Variants in RYR1 observed in about 807,000 individuals in gnomAD.
RYR1 encodes ryanodine receptor 1.
A neutral mutation model predicts 583.5 loss-of-function variants in RYR1; 342 were observed. That is an observed-to-expected ratio of 0.59 (90% CI 0.54 to 0.64). The LOEUF (loss-of-function observed/expected upper bound fraction) is 0.64, where lower values mean the gene tolerates loss of function less well. RYR1 is among the 30% of genes least tolerant of loss of function. The probability of loss-of-function intolerance (pLI) is 0.00; values close to 1 mark genes in which losing one functional copy is unlikely to be tolerated. For missense variants in RYR1, 6,032 were observed against 6,917.2 expected, an observed-to-expected ratio of 0.87 and a Z score of 4.54; for synonymous variants, 2,791 against 2,822.5, an observed-to-expected ratio of 0.99 and a Z score of 0.35.
At chr19:38,486,430 GCC>G (rs1969302094) in intron 34 of RYR1, among the ~76,000 whole-genome samples, 1 of 151,944 alleles carries the variant, frequency 6.6e-6, no homozygotes, top group Non-Finnish European at 1.5e-5. Context: ...TGCAACCTCC[GCC>G]TCCCAGGTTC....
At chr19:38,523,191 G>A in intron 68 of RYR1, 26 bp from the exon 69 acceptor site, 1 of 1,614,206 alleles carries the variant, frequency 6.2e-7, no homozygotes, top group Non-Finnish European at 8.5e-7. Context: ...CACCTGTCCG[G>A]TCTGCAACAC....
chr19:38,464,003 A>ACGGT (rs1479207834), intron 22 of RYR1, among the ~76,000 whole-genome samples, 153 bp downstream of exon 22: 2 of 151,888 alleles, frequency 1.3e-5, no homozygotes, highest in African/African-American at 4.8e-5. Flanking sequence ...GTGGCCGGGC[A>ACGGT]CGGTGGCTCA....
intron 42 of RYR1, among the ~76,000 whole-genome samples, chr19:38,497,284 C>T (rs1194698585): frequency 6.6e-6 from 1 of 152,270 alleles, no homozygotes; most frequent in South Asian, 2.1e-4. Flanking sequence ...GGGGCGGATC[C>T]GCACGCTACG....
chr19:38,516,870 T>C (rs2915944), intron 65 of RYR1, among the ~76,000 whole-genome samples: 4,536 of 152,138 alleles, frequency 0.03, 231 homozygotes, highest in African/African-American at 0.1. Context: ...GGGGGAAATA[T>C]ACGCTCCAAG....
Position 38,504,747 on chromosome 19 carries a change from G to C in RYR1, c.8068-1G>C, listed in dbSNP as rs748346413. On this transcript the variant is annotated splice_acceptor_variant, in intron 50 of 105. Transcript: ENST00000359596. LOFTEE classifies it high-confidence loss of function. The stretch of plus-strand genomic sequence containing the variant: ...ACCCCTGCTTCACCCGGTTTTCCCA[G>C]AAATACGACCCGGAGCTGTACCGCA... 6.2e-7 allele frequency: 1 copy of C among 1,614,056 alleles called. No individual in the cohort carries two copies. The highest frequency in any genetic ancestry group is 8.5e-7 in the Non-Finnish European group (1 of 1,180,010).
At chr19:38,583,477 CAAA>C (rs11325385) in intron 101 of RYR1, among the ~76,000 whole-genome samples, 4 of 135,272 alleles carry the variant, frequency 3.0e-5, no homozygotes, top group Admixed American at 1.5e-4. Flanking sequence ...GACTCTGTCT[CAAA>C]AAAAAAAAAA....
At chr19:38,550,048 G>A (rs73550971) in intron 89 of RYR1, among the ~76,000 whole-genome samples, 6,051 of 151,808 alleles carry the variant, frequency 0.04, 402 homozygotes, top group African/African-American at 0.14. Context: ...GAACCACCTC[G>A]CCTAGCCAAT....
At position 38,535,984 on chromosome 19, in the gene RYR1, T is replaced by C; in HGVS notation, c.11517-13T>C. 1.2e-6 allele frequency: 2 copies of C among 1,612,820 alleles called. No homozygotes were observed. The highest frequency in any genetic ancestry group is 1.7e-6 in the Non-Finnish European group (2 of 1,179,582). ...TCATCACATACCCCCTATCTTTCCT[T>C]TCTTTTCCTCAGCGTCCTGGATCTC... On this transcript the variant is annotated splice_polypyrimidine_tract_variant and intron_variant, in intron 81 of 105. Coordinates refer to ENST00000359596, the MANE Select transcript of RYR1 (RefSeq NM_000540.3).
intron 16 of RYR1, 150 bp downstream of exon 16, chr19:38,455,901 G>C (rs1398112029): frequency 1.4e-6 from 1 of 695,178 alleles, no homozygotes; most frequent in Non-Finnish European, 2.6e-6. Flanking sequence ...CTCCACACAG[G>C]GGTCTCAAAC....
Position 38,516,129 on chromosome 19 carries a change from A to T in RYR1, c.9597A>T (p.Ala3199=). The T allele has an allele frequency of 6.4e-7, 1 of 1,550,818 alleles. No individual in the cohort carries two copies. Among genetic ancestry groups the T allele is most frequent in the Non-Finnish European group, 8.7e-7 (1 of 1,147,368 alleles). Residue 3199 remains alanine, a synonymous_variant, in exon 65 of 106, where the codon GCA becomes GCT. Coordinates refer to ENST00000359596, the MANE Select transcript of RYR1 (RefSeq NM_000540.3). ...GGGAGTGCCTGGCCCGTCTGGCAGC[A>T]GCCATGCCGGTGGCGTTCCTGGAGC... ...ALGECLARLA[A]AMPVAFLEPQ...
At chr19:38,511,288 C>T (rs962668883) in intron 60 of RYR1, among the ~76,000 whole-genome samples, 1 of 151,918 alleles carries the variant, frequency 6.6e-6, no homozygotes, top group Non-Finnish European at 1.5e-5. Context: ...AGAGCAAGAC[C>T]CTGTCTAAAA....
Position 38,512,185 on chromosome 19 carries a change from A to G in RYR1, c.9233+53A>G. On this transcript the variant is annotated intron_variant, in intron 62 of 105. Transcript: ENST00000359596. The surrounding 1 kb of genome is among the most constrained non-coding windows in gnomAD (Gnocchi z 5.1). Reference sequence around the variant, plus strand: ...CCCACCATCATCGGGCCCCCACCCCAACCCCTGGTCTCCTAGACTCTCCGA... The same window carrying G: ...CCCACCATCATCGGGCCCCCACCCCGACCCCTGGTCTCCTAGACTCTCCGA... The G allele has an allele frequency of 6.2e-7, 1 of 1,613,900 alleles. No individual in the cohort carries two copies. The highest frequency in any genetic ancestry group is 2.2e-5 in the East Asian group (1 of 44,884).
intron 94 of RYR1, 120 bp downstream of exon 94, chr19:38,570,813 T>C (rs1447602761): frequency 1.1e-6 from 1 of 884,070 alleles, no homozygotes; most frequent in Non-Finnish European, 1.9e-6. Flanking sequence ...GGGCTTTGGG[T>C]CGTTAGGAGG....
At position 38,565,936 on chromosome 19, in the gene RYR1, G is replaced by T. The variant is rs1973400674; in HGVS notation, c.13437+165G>T. Reference sequence around the variant, plus strand: ...ATGGAGGACGCACACGGGGACAGCGGGCGCCGGGCAAGAGAGACGCTCAGA... The same window carrying T: ...ATGGAGGACGCACACGGGGACAGCGTGCGCCGGGCAAGAGAGACGCTCAGA... On this transcript the variant is annotated intron_variant, in intron 91 of 105. Coordinates refer to ENST00000359596, the MANE Select transcript of RYR1 (RefSeq NM_000540.3). The surrounding 1 kb of genome is among the most constrained non-coding windows in gnomAD (Gnocchi z 4.7). Among the ~76,000 whole-genome samples, 1 of 152,042 alleles carries T rather than the reference G, an allele frequency of 6.6e-6. No individual in the cohort carries two copies. The highest frequency in any genetic ancestry group is 6.6e-5 in the Admixed American group (1 of 15,256).
At position 38,529,165 on chromosome 19, in the gene RYR1, C is replaced by G. The variant is rs1486716364; in HGVS notation, c.11141+108C>G. ...AGAGGCCCTCCAGGTCCTGGGGGAG[C>G]CCAAGACAGACGGATCTTTAAATAT... is the stretch of plus-strand genomic sequence containing the variant. On this transcript the variant is annotated intron_variant, in intron 76 of 105. Coordinates refer to ENST00000359596, the MANE Select transcript of RYR1 (RefSeq NM_000540.3). The G allele has an allele frequency of 3.7e-6, 4 of 1,082,532 alleles. No homozygotes were observed. The African/African-American group carries it at 6.2e-5, about 17-fold the overall frequency. 67.1% of individuals were successfully genotyped at this position (1,082,532 alleles called of 1,614,324 possible). A position where few individuals can be genotyped will look rare whatever the true frequency, so the allele number is the denominator to read the frequency against.
At chr19:38,495,332 C>G (rs989848757) in intron 39 of RYR1, among the ~76,000 whole-genome samples, 2 of 152,112 alleles carry the variant, frequency 1.3e-5, no homozygotes, top group African/African-American at 4.8e-5. Context: ...TATTAAGCAC[C>G]TACTTCGTGC....
At chr19:38,556,431 A>G (rs1972882390) in intron 89 of RYR1, among the ~76,000 whole-genome samples, 1 of 151,880 alleles carries the variant, frequency 6.6e-6, no homozygotes. Flanking sequence ...GCAGTGAGCC[A>G]TGTTCATGGC....
chr19:38,582,168 G>C (rs542956570), intron 101 of RYR1, among the ~76,000 whole-genome samples: 1 of 151,678 alleles, frequency 6.6e-6, no homozygotes, highest in Non-Finnish European at 1.5e-5. Context: ...GGGGCTGAGG[G>C]GGGCAGATTA....
intron 93 of RYR1, among the ~76,000 whole-genome samples, chr19:38,568,226 C>T (rs1350929142): frequency 6.6e-6 from 1 of 152,194 alleles, no homozygotes; most frequent in African/African-American, 2.4e-5. Flanking sequence ...TTCAGTGAGG[C>T]CACCACTCTG....
Sources: gnomAD v4.1 joint callset for allele counts (sites outside exome capture counted in the v4.1 genomes callset) on GRCh38, gnomAD v4.1.1 for gene constraint, Gnocchi (gnomAD v3.1) non-coding constraint, MANE v1.5 for transcripts, NCBI Gene and HGNC (gene_info 2026-07-23, HGNC 2026-07-21) for gene names.